Variants in IL20RA observed in about 807,000 individuals in gnomAD.
IL20RA encodes interleukin-20 receptor subunit alpha.
A neutral mutation model predicts 36.5 loss-of-function variants in IL20RA; 29 were observed. The observed-to-expected ratio is 0.79, with a 90% CI of 0.59 to 1.08. The LOEUF (loss-of-function observed/expected upper bound fraction) is 1.08. Among genes scored for constraint, IL20RA ranks in the 50% least tolerant of loss-of-function variants. The pLI, the probability that IL20RA is intolerant of heterozygous loss-of-function variation, is 0.00. For synonymous variants in IL20RA, 279 were observed against 267.1 expected (o/e 1.04, Z -0.43); for missense variants, 652 against 668.4 (o/e 0.98, Z 0.27).
chr6:137,009,536 A>T (rs780933882), intron 3 of IL20RA, 44 bp from the exon 4 acceptor site: 1 of 1,250,394 alleles, frequency 8.0e-7, no homozygotes, highest in Non-Finnish European at 1.2e-6. Context: ...CAGATGAAAA[A>T]TTACCTTAGG....
At chr6:137,042,437 A>T (rs548162434) in intron 1 of IL20RA, among the ~76,000 whole-genome samples, 2 of 152,290 alleles carry the variant, frequency 1.3e-5, no homozygotes, top group East Asian at 3.9e-4. Flanking sequence ...ATATTATGCT[A>T]ATCATGGTTC....
At chr6:137,008,854 A>T (rs1448674464) in intron 4 of IL20RA, 111 bp from the exon 5 acceptor site, 11 of 460,624 alleles carry the variant, frequency 2.4e-5, no homozygotes, top group Non-Finnish European at 3.2e-5. Flanking sequence ...ATTCTTTACT[A>T]TCAGTATAAG....
In IL20RA at chr6:137,029,994, T is replaced by A. The variant is rs372650093; in HGVS notation, c.89-12891A>T. ...ATGGTAAATAATGGACAAAAGAGCA[T>A]TAGAGAAAGGGAGGAAAATAGAGAT... On this transcript the variant is annotated intron_variant, in intron 1 of 6. Transcript: ENST00000316649. 3.2e-4 allele frequency among the ~76,000 whole-genome samples: 47 copies of A among 148,838 alleles called. No individual in the cohort carries two copies. The East Asian group carries it at 5.6e-3, about 18-fold the overall frequency.
chr6:137,010,864 T>C (rs528092119), intron 3 of IL20RA, among the ~76,000 whole-genome samples: 4 of 152,250 alleles, frequency 2.6e-5, no homozygotes, highest in Admixed American at 1.3e-4. Context: ...AAGTCAAAAT[T>C]TGATATCATT....
intron 1 of IL20RA, among the ~76,000 whole-genome samples, chr6:137,030,060 C>T (rs761233959): frequency 3.9e-5 from 4 of 102,446 alleles, no homozygotes; most frequent in South Asian, 3.6e-4. Context: ...AAAATGTCAG[C>T]GGTTTGCGGG....
At chr6:137,004,159 C>CGTGTTTTTTTTTTTT (rs531501235) in intron 6 of IL20RA, among the ~76,000 whole-genome samples, 52 of 88,008 alleles carry the variant, frequency 5.9e-4, no homozygotes, top group African/African-American at 2.9e-3. Context: ...ATCCAGAAAG[C>CGTGTTTTTTTTTTTT]TTTTTTTTTT....
intron 6 of IL20RA, among the ~76,000 whole-genome samples, 191 bp downstream of exon 6, chr6:137,004,430 C>T (rs773077981): frequency 2.6e-5 from 4 of 152,104 alleles, no homozygotes; most frequent in Non-Finnish European, 5.9e-5. Context: ...ACTGCCTCGG[C>T]CACCCAAAGT....
intron 1 of IL20RA, among the ~76,000 whole-genome samples, chr6:137,028,939 G>A (rs565720015): frequency 6.6e-6 from 1 of 152,118 alleles, no homozygotes; most frequent in African/African-American, 2.4e-5. Flanking sequence ...ACCCAAACTT[G>A]TGGAAAGTGG....
chr6:137,009,594 CTTTTTTTTTTTTTTTTTTT>C (rs3041892), intron 3 of IL20RA, 102 bp from the exon 4 acceptor site: 10 of 388,118 alleles, frequency 2.6e-5, no homozygotes, highest in Non-Finnish European at 4.3e-5. Context: ...AAAAGACATC[CTTTTTTTTTTTTTTTTTTT>C]TTTTTTTTTT....
Position 137,002,185 on chromosome 6 carries a change from G to A in IL20RA, c.1035C>T (p.Ser345=), listed in dbSNP as rs755310667. The A allele has an allele frequency of 2.5e-6, 4 of 1,613,900 alleles. No homozygotes were observed. The highest frequency in any genetic ancestry group is 2.5e-6 in the Non-Finnish European group (3 of 1,179,994). The change falls in exon 7 of 7, where the codon AGC becomes AGT. Residue 345 remains serine, a synonymous_variant. Coordinates refer to ENST00000316649, the MANE Select transcript of IL20RA (RefSeq NM_014432.4). The stretch of plus-strand genomic sequence containing the variant: ...CCTCCTGAGGGGGCCTCAGGTTCCC[G>A]CTGGGCTGAGGATCATTAAGGCTGG... ...DVSSLNDPQP[S]GNLRPPQEEE...
At chr6:137,042,974 A>G (rs1209559631) in intron 1 of IL20RA, 1 of 152,244 alleles carries the variant, frequency 6.6e-6, no homozygotes, top group East Asian at 1.9e-4. Flanking sequence ...AAGAGCTAAG[A>G]AAGTAGTATC....
At chr6:137,026,965 T>A (rs1165554992) in intron 1 of IL20RA, among the ~76,000 whole-genome samples, 2 of 152,038 alleles carry the variant, frequency 1.3e-5, no homozygotes, top group African/African-American at 2.4e-5. Context: ...CACTGCAACC[T>A]CCGCCTCCCA....
At chr6:137,018,513 C>CGCGT (rs1554213675) in intron 1 of IL20RA, among the ~76,000 whole-genome samples, 2 of 142,816 alleles carry the variant, frequency 1.4e-5, no homozygotes, top group Non-Finnish European at 3.1e-5. Context: ...CTGCCGTGTG[C>CGCGT]GTGTGTGTGT....
At position 137,008,737 on chromosome 6, in the gene IL20RA, G is replaced by A. The variant is rs1188372733; in HGVS notation, c.586C>T (p.Gln196Ter). 6.3e-7 allele frequency: 1 copy of A among 1,595,026 alleles called. No individual in the cohort carries two copies. The highest frequency in any genetic ancestry group is 8.5e-7 in the Non-Finnish European group (1 of 1,171,350). ...LNTKSNRTWS[Q>*]CVTNHTLVLT... is the part of the protein sequence containing the mutation. ...ACCAGCGTGTGGTTGGTCACACACT[G>A]GGACCACTAGGATAGGGAATTGCAA... The change falls in exon 5 of 7, where the codon CAG becomes TAG. Residue 196 changes from glutamine (Q) to a stop codon, truncating the protein, a stop_gained. Transcript: ENST00000316649. LOFTEE classifies it high-confidence loss of function.
chr6:137,014,131 G>C (rs1036167324), intron 2 of IL20RA, among the ~76,000 whole-genome samples: 1 of 152,150 alleles, frequency 6.6e-6, no homozygotes, highest in Non-Finnish European at 1.5e-5. Flanking sequence ...GAAACTCCTT[G>C]GAAATGAGAA....
chr6:137,002,159 T>C lies in IL20RA; in HGVS notation c.1061A>G (p.Glu354Gly). The C allele has an allele frequency of 6.2e-7, 1 of 1,614,164 alleles. No individual in the cohort carries two copies. Among genetic ancestry groups the C allele is most frequent in the Non-Finnish European group, 8.5e-7 (1 of 1,180,014 alleles). ...PSGNLRPPQE[E>G]EEVKHLGYAS... is the part of the protein sequence containing the mutation. The stretch of plus-strand genomic sequence containing the variant: ...ATACCCTAAATGTTTCACCTCCTCT[T>C]CCTCCTGAGGGGGCCTCAGGTTCCC... Residue 354 changes from glutamate (E) to glycine (G), a missense_variant, in exon 7 of 7, where the codon GAA (glutamate) becomes GGA (glycine). Coordinates refer to ENST00000316649, the MANE Select transcript of IL20RA (RefSeq NM_014432.4).
At chr6:137,030,856 C>A (rs1450124903) in intron 1 of IL20RA, among the ~76,000 whole-genome samples, 1 of 152,096 alleles carries the variant, frequency 6.6e-6, no homozygotes, top group Admixed American at 6.5e-5. Flanking sequence ...TCAATTTGCC[C>A]AGTGGATCAG....
At chr6:137,037,721 C>T in intron 1 of IL20RA, among the ~76,000 whole-genome samples, 1 of 152,086 alleles carries the variant, frequency 6.6e-6, no homozygotes, top group East Asian at 1.9e-4. Context: ...CAAACTGGAA[C>T]ATATACTGGA....
chr6:137,005,416 G>T (rs747848528), intron 5 of IL20RA, among the ~76,000 whole-genome samples: 1 of 152,286 alleles, frequency 6.6e-6, no homozygotes, highest in Middle Eastern at 3.4e-3. Flanking sequence ...GTAAAAGTCC[G>T]CAGAGGAAAT....
Sources: gnomAD v4.1 joint callset for allele counts (sites outside exome capture counted in the v4.1 genomes callset) on GRCh38, gnomAD v4.1.1 for gene constraint, MANE v1.5 for transcripts, NCBI Gene and HGNC (gene_info 2026-07-23, HGNC 2026-07-21) for gene names.